WNK3: variants seen among roughly 807,000 people sequenced by gnomAD.
The protein encoded by WNK3 is WNK lysine deficient protein kinase 3.
In WNK3, 18 loss-of-function variants were observed where a neutral mutation model predicts 116.7. That is an observed-to-expected ratio of 0.15 (90% CI 0.11 to 0.23). WNK3 has a LOEUF of 0.23. Among genes scored for constraint, WNK3 ranks in the 10% least tolerant of loss-of-function variants. The pLI is 1.00. For synonymous variants in WNK3, 404 were observed against 469.4 expected, an observed-to-expected ratio of 0.86 and a Z score of 1.80; for missense variants, 993 against 1,323.8, an observed-to-expected ratio of 0.75 and a Z score of 3.88.
chrX:54,214,170 A>C (rs1255523473), intron 22 of WNK3, among the ~76,000 whole-genome samples: 4 of 110,453 alleles, frequency 3.6e-5, no homozygotes, highest in African/African-American at 9.9e-5. Flanking sequence ...TTTAGTAGAC[A>C]CGGGGTTTTG....
At chrX:54,268,744 T>C (rs973135220) in intron 10 of WNK3, among the ~76,000 whole-genome samples, 2 of 110,873 alleles carry the variant, frequency 1.8e-5, no homozygotes, top group Non-Finnish European at 3.8e-5. Flanking sequence ...GATAGTATTA[T>C]ACTATAACCT....
chrX:54,302,638 T>C (rs2068770005), intron 5 of WNK3, among the ~76,000 whole-genome samples: 1 of 103,598 alleles, frequency 9.7e-6, no homozygotes. Context: ...AAATAATTAA[T>C]GCTATTTTAA....
rs34431672 is a variant in WNK3 at position 54,219,669 on chromosome X, C to CAA, written c.4870+9043_4870+9044dup. Among the ~76,000 whole-genome samples, 96 of 15,178 alleles carry CAA rather than the reference C, an allele frequency of 6.3e-3. 1 individual carries two copies. The highest frequency in any genetic ancestry group is 9.1e-3 in the Non-Finnish European group (67 of 7,351). The allele number at this position is 15,178 out of a possible 115,157, so 13.2% of individuals were successfully genotyped here. On this transcript the variant is annotated intron_variant, in intron 22 of 23. Transcript: ENST00000354646. ...GGCAACAAAACGAGACTCCATCTCC[C>CAA]AAAAAAAAAAAAAAAAAAAAAAAAA...
intron 23 of WNK3, among the ~76,000 whole-genome samples, chrX:54,199,968 CCTA>C (rs1188176059): frequency 3.6e-5 from 4 of 112,531 alleles, no homozygotes; most frequent in Non-Finnish European, 7.5e-5. Flanking sequence ...GCCAAACTGG[CCTA>C]CTTTCAATCC....
At chrX:54,212,312 T>TA (rs1255070957) in intron 22 of WNK3, among the ~76,000 whole-genome samples, 73 of 105,170 alleles carry the variant, frequency 6.9e-4, no homozygotes, top group African/African-American at 1.8e-3. Flanking sequence ...TATGCAAAGG[T>TA]AAAAAAAAAA....
intron 2 of WNK3, among the ~76,000 whole-genome samples, chrX:54,318,563 T>C (rs1459042198): frequency 1.8e-5 from 2 of 109,410 alleles, no homozygotes; most frequent in Non-Finnish European, 3.8e-5. Context: ...TAGCTGGGCA[T>C]GGAGGCATGC....
intron 1 of WNK3, among the ~76,000 whole-genome samples, chrX:54,342,736 A>G (rs909610010): frequency 2.7e-5 from 3 of 111,316 alleles, no homozygotes; most frequent in Non-Finnish European, 5.7e-5. Context: ...AGGCCTGACA[A>G]CAATAAAATG....
At chrX:54,250,918 C>T (rs1603381872) in intron 15 of WNK3, among the ~76,000 whole-genome samples, 1 of 111,110 alleles carries the variant, frequency 9.0e-6, no homozygotes, top group Non-Finnish European at 1.9e-5. Flanking sequence ...GTTTTCGCTT[C>T]TGGAAGTTTA....
rs3007021 is a variant in WNK3, at chrX:54,297,867, T to A, written c.1398+308A>T. Among the ~76,000 whole-genome samples the A allele has an allele frequency of 2.2e-3, 234 of 108,820 alleles. 1 individual carries two copies. The highest frequency in any genetic ancestry group is 7.3e-3 in the African/African-American group (219 of 29,878). The allele number at this position is 108,820 out of a possible 115,157, so 94.5% of individuals were successfully genotyped here. Reference sequence around the variant, plus strand: ...GGTGGGCGGATCACAAGGTCAGGAGTTCAAGACCAGCCTGACTAACACGGT... The same window carrying A: ...GGTGGGCGGATCACAAGGTCAGGAGATCAAGACCAGCCTGACTAACACGGT... On this transcript the variant is annotated intron_variant, in intron 7 of 23. Coordinates refer to ENST00000354646, the Ensembl canonical transcript of WNK3.
chrX:54,287,194 T>C (rs2068590576), intron 10 of WNK3, among the ~76,000 whole-genome samples: 2 of 111,655 alleles, frequency 1.8e-5, no homozygotes, highest in African/African-American at 6.5e-5. Flanking sequence ...GGATAGTATT[T>C]GGCAATAAGA....
exon 24 of WNK3, chrX:54,193,179 A>G (rs2067415161): frequency 8.9e-6 from 1 of 111,963 alleles, no homozygotes; most frequent in Non-Finnish European, 1.9e-5. Context: ...AATTATGCTG[A>G]AAGTTTATTA....
chrX:54,303,593 T>C (rs1196841082), intron 5 of WNK3, among the ~76,000 whole-genome samples: 1 of 111,313 alleles, frequency 9.0e-6, no homozygotes, highest in East Asian at 2.8e-4. Flanking sequence ...TAGGAGTTAA[T>C]TTAGTTCCTA....
At chrX:54,335,973 A>G (rs782567187) in intron 1 of WNK3, among the ~76,000 whole-genome samples, 6 of 112,272 alleles carry the variant, frequency 5.3e-5, no homozygotes, top group African/African-American at 1.9e-4. Context: ...AAATAAAGCC[A>G]TATTATTTAT....
intron 10 of WNK3, among the ~76,000 whole-genome samples, chrX:54,286,493 C>T (rs985320449): frequency 6.3e-5 from 7 of 111,395 alleles, no homozygotes; most frequent in Non-Finnish European, 1.3e-4. Context: ...GCATAGCACA[C>T]CTTTTATCTA....
At chrX:54,219,202 A>C (rs1288575073) in intron 22 of WNK3, among the ~76,000 whole-genome samples, 2 of 111,581 alleles carry the variant, frequency 1.8e-5, no homozygotes, top group African/African-American at 6.5e-5. Context: ...GATGAAAATC[A>C]AAGACAAAAA....
intron 2 of WNK3, among the ~76,000 whole-genome samples, chrX:54,314,611 A>AT (rs2068929718): frequency 1.8e-5 from 2 of 110,566 alleles, no homozygotes; most frequent in African/African-American, 6.6e-5. Context: ...TCTACAAAAA[A>AT]TACAAAAATT....
At chrX:54,255,522 C>T (rs1474631471) in intron 12 of WNK3, among the ~76,000 whole-genome samples, 2 of 111,963 alleles carry the variant, frequency 1.8e-5, no homozygotes, top group African/African-American at 3.2e-5. Flanking sequence ...TAGGAGCTAT[C>T]TCTGAATGGT....
chrX:54,225,754 C>A (rs868909826), intron 22 of WNK3, among the ~76,000 whole-genome samples: 1 of 110,106 alleles, frequency 9.1e-6, no homozygotes. Flanking sequence ...AGAGTCAATA[C>A]TCTAAATTCC....
chrX:54,243,543 C>G (rs1399083650), intron 17 of WNK3, among the ~76,000 whole-genome samples: 1 of 109,448 alleles, frequency 9.1e-6, no homozygotes, highest in African/African-American at 3.3e-5. Flanking sequence ...AGATGGCCAA[C>G]AAGCACACGA....
Sources: allele counts gnomAD v4.1 joint callset (sites outside exome capture counted in the v4.1 genomes callset), GRCh38; gene constraint gnomAD v4.1.1; transcripts MANE v1.5; gene names NCBI Gene and HGNC (gene_info 2026-07-23, HGNC 2026-07-21).